ASIC5: variants seen among roughly 807,000 people sequenced by gnomAD.
The protein encoded by ASIC5 is acid sensing ion channel subunit family member 5, also known as bile acid-sensitive ion channel.
A neutral mutation model predicts 51.2 loss-of-function variants in ASIC5; 52 were observed. The ratio of observed to expected loss-of-function variants is 1.02; its 90% CI spans 0.81 to 1.28. The LOEUF is 1.28. Among genes scored for constraint, ASIC5 ranks in the 50% most tolerant of loss-of-function variants. The pLI is 0.00. For missense variants in ASIC5, 635 were observed against 595.0 expected, an observed-to-expected ratio of 1.07 and a Z score of -0.70; for synonymous variants, 231 against 200.7, an observed-to-expected ratio of 1.15 and a Z score of -1.28.
chr4:155,846,578 T>C (rs1346874214), intron 4 of ASIC5, among the ~76,000 whole-genome samples: 1 of 152,116 alleles, frequency 6.6e-6, no homozygotes, highest in African/African-American at 2.4e-5. Flanking sequence ...CAAGGACAGC[T>C]TGGAGGTTAG....
intron 2 of ASIC5, among the ~76,000 whole-genome samples, chr4:155,859,419 C>T (rs1252911818): frequency 6.6e-6 from 1 of 151,904 alleles, no homozygotes; most frequent in African/African-American, 2.4e-5. Context: ...AAAGGGATCT[C>T]TGACATACAC....
intron 1 of ASIC5, 34 bp downstream of exon 1, chr4:155,866,153 T>C (rs1259040362): frequency 7.1e-7 from 1 of 1,414,996 alleles, no homozygotes; most frequent in Admixed American, 2.0e-5. Flanking sequence ...AAATGAAAAA[T>C]ATTACTGCTC....
chr4:155,844,432 A>T (rs1741191974), intron 4 of ASIC5, among the ~76,000 whole-genome samples: 1 of 152,080 alleles, frequency 6.6e-6, no homozygotes, highest in Non-Finnish European at 1.5e-5. Context: ...GGGCCCCATC[A>T]CTAGGTAAGA....
chr4:155,836,577 C>T, intron 8 of ASIC5, 112 bp downstream of exon 8: 2 of 615,006 alleles, frequency 3.3e-6, no homozygotes, highest in Non-Finnish European at 5.6e-6. Flanking sequence ...TGAAAAAAGC[C>T]ATTGCCTCCC....
chr4:155,865,066 C>G (rs1741826375), intron 1 of ASIC5: 1 of 151,878 alleles, frequency 6.6e-6, no homozygotes, highest in Non-Finnish European at 1.5e-5. Flanking sequence ...GCTTTTTATT[C>G]AGTTATAGGA....
At chr4:155,866,158 C>T in intron 1 of ASIC5, 29 bp downstream of exon 1, 1 of 1,441,420 alleles carries the variant, frequency 6.9e-7, no homozygotes, top group African/African-American at 1.4e-5. Context: ...AAAAATATTA[C>T]TGCTCTGAGG....
Position 155,834,317 on chromosome 4 carries a change from G to A in ASIC5, c.1235+2372C>T, listed in dbSNP as rs191225140. 8.5e-5 allele frequency among the ~76,000 whole-genome samples: 13 copies of A among 152,200 alleles called. No individual in the cohort carries two copies. In the East Asian group the frequency reaches 2.1e-3, roughly 25 times the overall value. ...CACCTCCATGGTTAAGTTAGGGGTC[G>A]CTTCTTTTAAAATGACTGCTGCTAA... On this transcript the variant is annotated intron_variant, in intron 8 of 9. Coordinates refer to ENST00000537611, the MANE Select transcript of ASIC5 (RefSeq NM_017419.3).
chr4:155,855,151 T>C (rs531589685), intron 2 of ASIC5, among the ~76,000 whole-genome samples: 211 of 152,170 alleles, frequency 1.4e-3, no homozygotes, highest in Non-Finnish European at 2.5e-3. Flanking sequence ...TCCAGTTAGG[T>C]TCTAATTGTT....
At chr4:155,847,662 C>T (rs989003621) in intron 4 of ASIC5, among the ~76,000 whole-genome samples, 5 of 152,020 alleles carry the variant, frequency 3.3e-5, no homozygotes, top group Non-Finnish European at 7.4e-5. Context: ...GCGGAAGTTG[C>T]AGTGAGCCAA....
intron 4 of ASIC5, among the ~76,000 whole-genome samples, chr4:155,846,491 G>A (rs1460280339): frequency 6.6e-6 from 1 of 152,092 alleles, no homozygotes; most frequent in East Asian, 1.9e-4. Context: ...AAGGAGGTTT[G>A]TTTGGGAAAG....
intron 2 of ASIC5, among the ~76,000 whole-genome samples, chr4:155,855,079 A>T (rs2110741255): frequency 6.6e-6 from 1 of 152,166 alleles, no homozygotes; most frequent in East Asian, 1.9e-4. Flanking sequence ...TCCTGCAACG[A>T]AGTGGGGCTT....
At chr4:155,844,651 G>T (rs1392720471) in intron 4 of ASIC5, among the ~76,000 whole-genome samples, 3 of 151,594 alleles carry the variant, frequency 2.0e-5, no homozygotes, top group Admixed American at 6.6e-5. Flanking sequence ...TCTCTCATTG[G>T]ATTTGACCAA....
intron 2 of ASIC5, among the ~76,000 whole-genome samples, chr4:155,856,968 T>A (rs1391488940): frequency 2.0e-5 from 3 of 152,092 alleles, no homozygotes; most frequent in Non-Finnish European, 4.4e-5. Context: ...AAGCTTTTTT[T>A]ATTATACTAA....
intron 4 of ASIC5, 48 bp from the exon 5 acceptor site, chr4:155,843,878 G>A: frequency 1.9e-6 from 3 of 1,581,922 alleles, no homozygotes; most frequent in Non-Finnish European, 2.6e-6. Flanking sequence ...GACTATATCA[G>A]TTCTAAACAA....
At chr4:155,844,297 C>T (rs192648357) in intron 4 of ASIC5, among the ~76,000 whole-genome samples, 132 of 151,862 alleles carry the variant, frequency 8.7e-4, no homozygotes, top group Admixed American at 5.3e-3. Flanking sequence ...GAGGTTCATT[C>T]GCTATTAAAA....
intron 8 of ASIC5, among the ~76,000 whole-genome samples, chr4:155,834,369 C>A (rs1740932888): frequency 6.6e-6 from 1 of 152,144 alleles, no homozygotes; most frequent in Non-Finnish European, 1.5e-5. Context: ...TCCTGACAAA[C>A]TGCACTTCTG....
At chr4:155,832,332 G>A (rs922773021) in intron 8 of ASIC5, among the ~76,000 whole-genome samples, 1 of 152,194 alleles carries the variant, frequency 6.6e-6, no homozygotes, top group African/African-American at 2.4e-5. Context: ...TGAGCTCACA[G>A]AGTTGCAGTG....
At chr4:155,848,919 A>T (rs957933422) in intron 4 of ASIC5, among the ~76,000 whole-genome samples, 1 of 152,124 alleles carries the variant, frequency 6.6e-6, no homozygotes, top group African/African-American at 2.4e-5. Flanking sequence ...GCTACAATTT[A>T]GAATACTCCT....
At chr4:155,846,378 TAA>T (rs1741242345) in intron 4 of ASIC5, among the ~76,000 whole-genome samples, 1 of 152,114 alleles carries the variant, frequency 6.6e-6, no homozygotes, top group South Asian at 2.1e-4. Flanking sequence ...TTTTAATAAA[TAA>T]GACATTGATA....
Sources: allele counts gnomAD v4.1 joint callset (sites outside exome capture counted in the v4.1 genomes callset), GRCh38; gene constraint gnomAD v4.1.1; transcripts MANE v1.5; gene names NCBI Gene and HGNC (gene_info 2026-07-23, HGNC 2026-07-21).